PTPRS: variants seen among roughly 807,000 people sequenced by gnomAD.
The protein encoded by PTPRS is protein tyrosine phosphatase receptor type S, also known as receptor-type tyrosine-protein phosphatase S.
Under a neutral mutation model 215.3 loss-of-function variants are expected in PTPRS, and 63 were observed. The observed-to-expected ratio is 0.29, with a 90% CI of 0.24 to 0.36. PTPRS has a LOEUF of 0.36. PTPRS is among the 10% of genes least tolerant of loss of function. PTPRS has a pLI of 1.00. For missense variants in PTPRS, 2,258 were observed against 2,825.8 expected (o/e 0.80, Z 4.56); for synonymous variants, 1,404 against 1,191.4 (o/e 1.18, Z -3.68).
At chr19:5,267,654 CA>C (rs5826877) in intron 4 of PTPRS, among the ~76,000 whole-genome samples, 60,324 of 122,544 alleles carry the variant, frequency 0.49, 13,879 homozygotes, top group Middle Eastern at 0.58. Context: ...AAGACTGTCT[CA>C]AAAAAAAAAA....
chr19:5,226,228 C>A (rs1316950558), intron 16 of PTPRS, among the ~76,000 whole-genome samples: 1 of 152,184 alleles, frequency 6.6e-6, no homozygotes, highest in Non-Finnish European at 1.5e-5. Flanking sequence ...GGTCAAAGCC[C>A]AAGTCTTCCC....
intron 13 of PTPRS, among the ~76,000 whole-genome samples, chr19:5,233,670 G>A (rs1488458512): frequency 1.3e-5 from 2 of 150,600 alleles, no homozygotes; most frequent in Non-Finnish European, 3.0e-5. Context: ...TCGGCCGGGC[G>A]CAGTGGCTCA....
At chr19:5,245,714 C>T in intron 10 of PTPRS, 62 bp downstream of exon 10, 1 of 1,503,506 alleles carries the variant, frequency 6.7e-7, no homozygotes, top group Non-Finnish European at 8.9e-7. Flanking sequence ...CCACCTGTGC[C>T]TGAAGTCGGG....
At chr19:5,315,351 G>GT (rs952833168) in intron 1 of PTPRS, among the ~76,000 whole-genome samples, 1,036 of 79,562 alleles carry the variant, frequency 0.013, 130 homozygotes, top group East Asian at 0.026. Flanking sequence ...TTTGAAAAGG[G>GT]TTTTTTTTTT....
chr19:5,288,054 A>G (rs1166942560), intron 1 of PTPRS, among the ~76,000 whole-genome samples: 2 of 151,974 alleles, frequency 1.3e-5, no homozygotes, highest in African/African-American at 4.8e-5. Context: ...ACAAACACAG[A>G]CAGGCCCAAA....
At chr19:5,254,516 T>C (rs1281427716) in intron 9 of PTPRS, among the ~76,000 whole-genome samples, 2 of 151,942 alleles carry the variant, frequency 1.3e-5, no homozygotes, top group Non-Finnish European at 1.5e-5. Flanking sequence ...CTCTGAAGAT[T>C]TGCAAGAGTG....
In PTPRS at chr19:5,225,971, G is replaced by C. The variant is rs1353262910; in HGVS notation, c.2377-127C>G. 5.4e-6 allele frequency: 4 copies of C among 741,048 alleles called. No individual in the cohort carries two copies. In the Admixed American group the frequency reaches 8.2e-5, roughly 15 times the overall value. The allele number at this position is 741,048 out of a possible 1,614,324, so 45.9% of individuals were successfully genotyped here. ...GGATCAGGGGTGGAGACGTGCACATGAGCTCATGCAGAGACCACGACACGT... is the reference window on the plus strand; with the variant it reads ...GGATCAGGGGTGGAGACGTGCACATCAGCTCATGCAGAGACCACGACACGT... On this transcript the variant is annotated intron_variant, in intron 16 of 37. Transcript: ENST00000262963.
In PTPRS at chr19:5,223,218, G is replaced by A. The variant is rs201795413; in HGVS notation, c.2574C>T (p.Thr858=). Residue 858 remains threonine, a synonymous_variant, in exon 18 of 38, where the codon ACC becomes ACT. Coordinates refer to ENST00000262963, the MANE Select transcript of PTPRS (RefSeq NM_002850.4). The part of the protein sequence containing the change: ...LLARWEPPAG[T]AEDQVLGYRL... ...GGTAGCCCAGCACCTGGTCCTCCGC[G>A]GTGCCAGCCGGGGGCTCCCAGCGTG... The A allele has an allele frequency of 2.8e-4, 421 of 1,503,284 alleles. 3 individuals are homozygous for A. The East Asian group carries it at 4.9e-3, about 17-fold the overall frequency. The allele number at this position is 1,503,284 out of a possible 1,614,324, so 93.1% of individuals were successfully genotyped here. A position where few individuals can be genotyped will look rare whatever the true frequency, so the allele number is the denominator to read the frequency against.
At chr19:5,284,197 A>C (rs1053207200) in intron 2 of PTPRS, among the ~76,000 whole-genome samples, 30 of 150,572 alleles carry the variant, frequency 2.0e-4, no homozygotes, top group African/African-American at 7.3e-4. Flanking sequence ...CGTCTCTACT[A>C]AAAATACAAA....
chr19:5,218,337 G>T, intron 25 of PTPRS, 83 bp downstream of exon 25: 1 of 1,289,378 alleles, frequency 7.8e-7, no homozygotes, highest in Non-Finnish European at 1.1e-6. Context: ...GGCCAATGAG[G>T]GGCCCCCAGG....
At chr19:5,241,140 C>T (rs142270791) in intron 11 of PTPRS, among the ~76,000 whole-genome samples, 43 of 151,920 alleles carry the variant, frequency 2.8e-4, no homozygotes, top group African/African-American at 8.7e-4. Flanking sequence ...CCTCCTGCCT[C>T]GGCCTCCCAA....
chr19:5,244,346 C>T lies in PTPRS; in HGVS notation c.1125G>A (p.Pro375=), dbSNP rs371191123. Residue 375 remains proline, a synonymous_variant, in exon 11 of 38, where the codon CCG becomes CCA. Transcript: ENST00000262963. This position sits in a 1 kb window ranked among gnomAD's most constrained non-coding sequence, Gnocchi z 7.2. ...TGGTGATGTCCTCTTTAATCTGATA[C>T]GGCCCGTCTTGGCTCTTGGATTTAT... ...IEYKSKSQDG[P]YQIKEDITTT... is the part of the protein sequence containing the mutation. 8.1e-6 allele frequency: 13 copies of T among 1,614,212 alleles called. No homozygotes were observed. The highest frequency in any genetic ancestry group is 3.3e-5 in the South Asian group (3 of 91,082).
At chr19:5,214,813 G>T in intron 28 of PTPRS, 77 bp from the exon 29 acceptor site, 1 of 1,430,958 alleles carries the variant, frequency 7.0e-7, no homozygotes. Flanking sequence ...ACCACTTCCT[G>T]GAAGTTCACT....
intron 5 of PTPRS, among the ~76,000 whole-genome samples, chr19:5,263,957 G>A (rs117739840): frequency 0.012 from 1,815 of 152,342 alleles, 16 homozygotes; most frequent in Middle Eastern, 0.034. Context: ...TGGACATGTC[G>A]TGAAGCGGGG....
Position 5,206,778 on chromosome 19 carries a change from G to T in PTPRS, c.5843C>A (p.Thr1948Asn). 1.2e-6 allele frequency: 2 copies of T among 1,613,878 alleles called. 1 individual carries two copies. The highest frequency in any genetic ancestry group is 2.2e-5 in the South Asian group (2 of 91,082). The change falls in exon 38 of 38, where the codon ACC becomes AAC. Residue 1948 changes from threonine (T) to asparagine (N), a missense_variant. Around this residue, in one of 6 missense-constraint regions of PTPRS, gnomAD observed 89 missense variants for 104.0 expected, o/e 0.86. Transcript: ENST00000262963. ...GGCCTGGGGGGAACCATGGCTTTAG[G>T]TTGCATAGTGGTCAAAGCTTCCGAG... ...EYLGSFDHYA[T>N]
chr19:5,256,736 C>T (rs1397092251), intron 8 of PTPRS, among the ~76,000 whole-genome samples: 3 of 152,098 alleles, frequency 2.0e-5, no homozygotes, highest in African/African-American at 7.2e-5. Flanking sequence ...CGTCCATACA[C>T]CCACATCCCC....
At chr19:5,227,895 C>T (rs1384804104) in intron 16 of PTPRS, among the ~76,000 whole-genome samples, 1 of 152,082 alleles carries the variant, frequency 6.6e-6, no homozygotes, top group Admixed American at 6.5e-5. Flanking sequence ...CCTGTGCACA[C>T]GATCACAGCA....
chr19:5,314,573 T>G (rs2049811847), intron 1 of PTPRS, among the ~76,000 whole-genome samples: 1 of 152,114 alleles, frequency 6.6e-6, no homozygotes, highest in Non-Finnish European at 1.5e-5. Context: ...TTTTTTTTTT[T>G]GAAACAGCAT....
chr19:5,254,696 G>A (rs1424223344), intron 9 of PTPRS, among the ~76,000 whole-genome samples: 3 of 152,174 alleles, frequency 2.0e-5, no homozygotes, highest in Non-Finnish European at 4.4e-5. Flanking sequence ...CTGTGTTGCT[G>A]GACAAAAGAC....
Sources: gnomAD v4.1 joint callset for allele counts (sites outside exome capture counted in the v4.1 genomes callset) on GRCh38, gnomAD v4.1.1 for gene constraint, gnomAD v4.1.1 regional missense constraint, Gnocchi (gnomAD v3.1) non-coding constraint, MANE v1.5 for transcripts, NCBI Gene and HGNC (gene_info 2026-07-23, HGNC 2026-07-21) for gene names.